CAMKMT: variants seen among roughly 807,000 people sequenced by gnomAD.
CAMKMT encodes calmodulin-lysine N-methyltransferase.
In CAMKMT, 53 loss-of-function variants were observed where a neutral mutation model predicts 48.0. The observed-to-expected ratio is 1.10, with a 90% CI of 0.89 to 1.39. The LOEUF is 1.39. Among genes scored for constraint, CAMKMT ranks in the 40% most tolerant of loss-of-function variants. The probability of loss-of-function intolerance (pLI) is 0.00; values close to 1 mark genes in which losing one functional copy is unlikely to be tolerated. For synonymous variants in CAMKMT, 165 were observed against 152.3 expected, an observed-to-expected ratio of 1.08 and a Z score of -0.61; for missense variants, 428 against 402.7, an observed-to-expected ratio of 1.06 and a Z score of -0.54.
At chr2:44,761,600 C>T (rs187672202) in intron 9 of CAMKMT, among the ~76,000 whole-genome samples, 13 of 152,246 alleles carry the variant, frequency 8.5e-5, no homozygotes, top group African/African-American at 3.1e-4. Flanking sequence ...CCAGGCCACC[C>T]CTGAAGCAAT....
At chr2:44,600,611 G>A (rs1483708119) in intron 3 of CAMKMT, among the ~76,000 whole-genome samples, 4 of 151,994 alleles carry the variant, frequency 2.6e-5, no homozygotes, top group Admixed American at 6.6e-5. Context: ...TAAATGTTTT[G>A]CACTTTCATA....
At chr2:44,572,872 G>A (rs1006361816) in intron 3 of CAMKMT, among the ~76,000 whole-genome samples, 2 of 152,124 alleles carry the variant, frequency 1.3e-5, no homozygotes, top group Non-Finnish European at 2.9e-5. Flanking sequence ...TGTTTTCCAC[G>A]GTGGCTACAT....
chr2:44,458,345 C>T (rs936967297), intron 3 of CAMKMT, among the ~76,000 whole-genome samples: 1 of 152,130 alleles, frequency 6.6e-6, no homozygotes, highest in Non-Finnish European at 1.5e-5. Context: ...CTGCGCCCTG[C>T]CAGCTTTGAC....
chr2:44,745,999 T>C (rs1025831878), intron 8 of CAMKMT, among the ~76,000 whole-genome samples: 3 of 152,130 alleles, frequency 2.0e-5, no homozygotes, highest in Admixed American at 6.5e-5. Flanking sequence ...TTTAAGAATG[T>C]CACTGGGGAG....
intron 3 of CAMKMT, among the ~76,000 whole-genome samples, chr2:44,403,658 A>C (rs1013656777): frequency 6.6e-6 from 1 of 152,192 alleles, no homozygotes; most frequent in Admixed American, 6.5e-5. Context: ...AGGGAAGCTA[A>C]TAGGTAGATT....
At chr2:44,763,855 T>C (rs1163299136) in intron 9 of CAMKMT, among the ~76,000 whole-genome samples, 1 of 152,226 alleles carries the variant, frequency 6.6e-6, no homozygotes, top group Non-Finnish European at 1.5e-5. Context: ...TGTAGCCTTG[T>C]GAACATGATG....
intron 2 of CAMKMT, among the ~76,000 whole-genome samples, chr2:44,386,244 A>G (rs1680767214): frequency 6.6e-6 from 1 of 151,936 alleles, no homozygotes; most frequent in Admixed American, 6.6e-5. Flanking sequence ...TCCTGATTTA[A>G]GCTAGGAGGG....
intron 3 of CAMKMT, among the ~76,000 whole-genome samples, chr2:44,631,276 T>A (rs149388304): frequency 6.6e-6 from 1 of 152,058 alleles, no homozygotes; most frequent in South Asian, 2.1e-4. Flanking sequence ...AGGGATAGCA[T>A]TGAGAGATAT....
chr2:44,706,428 C>A, intron 5 of CAMKMT, 87 bp downstream of exon 5: 1 of 1,290,540 alleles, frequency 7.7e-7, no homozygotes, highest in Non-Finnish European at 1.1e-6. Context: ...GGTCAGAGAA[C>A]CGTCAACAGC....
At chr2:44,685,762 T>C (rs571982476) in intron 3 of CAMKMT, among the ~76,000 whole-genome samples, 13 of 152,296 alleles carry the variant, frequency 8.5e-5, no homozygotes, top group African/African-American at 3.1e-4. Flanking sequence ...ATGAAAGTAT[T>C]AATTGAATAG....
intron 3 of CAMKMT, among the ~76,000 whole-genome samples, chr2:44,469,962 A>G (rs1017807233): frequency 3.3e-5 from 5 of 150,658 alleles, no homozygotes; most frequent in Admixed American, 6.6e-5. Context: ...AATATCTTCT[A>G]TTGCTTTCTT....
At chr2:44,463,661 T>C (rs1667961013) in intron 3 of CAMKMT, among the ~76,000 whole-genome samples, 1 of 152,044 alleles carries the variant, frequency 6.6e-6, no homozygotes, top group Non-Finnish European at 1.5e-5. Context: ...TAGTAGCTTT[T>C]TGCAGCACCA....
chr2:44,564,526 C>G (rs1668506353), intron 3 of CAMKMT, among the ~76,000 whole-genome samples: 1 of 151,854 alleles, frequency 6.6e-6, no homozygotes, highest in Non-Finnish European at 1.5e-5. Flanking sequence ...ATTTGCCAAG[C>G]TGATAACACA....
chr2:44,506,901 C>A (rs1670288855), intron 3 of CAMKMT, among the ~76,000 whole-genome samples: 1 of 152,100 alleles, frequency 6.6e-6, no homozygotes, highest in Admixed American at 6.6e-5. Flanking sequence ...AAAAAATCTT[C>A]AAATCTGAAA....
intron 7 of CAMKMT, among the ~76,000 whole-genome samples, chr2:44,742,610 T>C (rs1445434990): frequency 1.3e-5 from 2 of 152,164 alleles, no homozygotes; most frequent in Non-Finnish European, 2.9e-5. Context: ...GTAGGTATTT[T>C]TGTGGTGATG....
chr2:44,758,469 T>C (rs534976327), intron 9 of CAMKMT, among the ~76,000 whole-genome samples: 14 of 152,312 alleles, frequency 9.2e-5, no homozygotes, highest in African/African-American at 3.4e-4. Flanking sequence ...AGGGAATATT[T>C]GTTACCACCT....
chr2:44,617,615 T>C (rs1365957796), intron 3 of CAMKMT, among the ~76,000 whole-genome samples: 1 of 152,244 alleles, frequency 6.6e-6, no homozygotes, highest in Non-Finnish European at 1.5e-5. Context: ...TATCCAATAG[T>C]TTATACTGCA....
chr2:44,768,028 C>T (rs73924555), intron 10 of CAMKMT, among the ~76,000 whole-genome samples: 3,336 of 152,258 alleles, frequency 0.022, 99 homozygotes, highest in African/African-American at 0.076. Context: ...ACCTGAGGAG[C>T]GTTGGGACAT....
At chr2:44,743,431 C>A (rs1344441465) in intron 7 of CAMKMT, among the ~76,000 whole-genome samples, 191 bp from the exon 8 acceptor site, 2 of 152,082 alleles carry the variant, frequency 1.3e-5, no homozygotes, top group African/African-American at 4.8e-5. Flanking sequence ...GTAGAGAATT[C>A]TTCTTCTAGA....
Sources: allele counts gnomAD v4.1 joint callset (sites outside exome capture counted in the v4.1 genomes callset), GRCh38; gene constraint gnomAD v4.1.1; transcripts MANE v1.5; gene names NCBI Gene and HGNC (gene_info 2026-07-23, HGNC 2026-07-21).